MATN2: variants seen among roughly 807,000 people sequenced by gnomAD.
MATN2 encodes the protein matrilin-2.
A neutral mutation model predicts 103.2 loss-of-function variants in MATN2; 69 were observed. That is an observed-to-expected ratio of 0.67 (90% CI 0.55 to 0.82). The LOEUF is 0.82. MATN2 is among the 40% of genes least tolerant of loss of function. MATN2 has a pLI of 0.00. For synonymous variants in MATN2, 429 were observed against 450.2 expected (o/e 0.95, Z 0.60); for missense variants, 1,023 against 1,211.5 (o/e 0.84, Z 2.31).
intron 2 of MATN2, among the ~76,000 whole-genome samples, chr8:97,918,700 G>C (rs1809713916): frequency 1.3e-5 from 2 of 152,190 alleles, no homozygotes; most frequent in South Asian, 2.1e-4. Flanking sequence ...CACATTCCAG[G>C]CTCAGCTGCC....
intron 4 of MATN2, among the ~76,000 whole-genome samples, chr8:97,948,641 T>C (rs1448347885): frequency 6.6e-6 from 1 of 152,226 alleles, no homozygotes; most frequent in African/African-American, 2.4e-5. Context: ...TGAACTGCCA[T>C]GTGCAAAAAA....
intron 17 of MATN2, 35 bp from the exon 18 acceptor site, chr8:98,033,526 T>G (rs1248152157): frequency 4.3e-6 from 5 of 1,175,982 alleles, no homozygotes; most frequent in Non-Finnish European, 6.1e-6. Context: ...GTCTGGTGGA[T>G]TCTAGAGGTG....
At chr8:97,926,665 C>T (rs1171970475) in intron 2 of MATN2, among the ~76,000 whole-genome samples, 1 of 152,206 alleles carries the variant, frequency 6.6e-6, no homozygotes, top group Non-Finnish European at 1.5e-5. Context: ...ATGAGTCAAA[C>T]TTCAGAAGTG....
chr8:97,918,842 A>G (rs1412921312), intron 2 of MATN2, among the ~76,000 whole-genome samples: 1 of 152,014 alleles, frequency 6.6e-6, no homozygotes, highest in Non-Finnish European at 1.5e-5. Context: ...TTCTGCCACC[A>G]CTCATTAATC....
intron 2 of MATN2, among the ~76,000 whole-genome samples, chr8:97,892,730 C>T (rs1332021319): frequency 6.6e-6 from 1 of 152,076 alleles, no homozygotes; most frequent in Non-Finnish European, 1.5e-5. Flanking sequence ...TCTCTATATA[C>T]CCACAAGAGA....
chr8:98,030,821 CCCAGCTAATTTTTGT>C (rs1373365172), intron 15 of MATN2, among the ~76,000 whole-genome samples: 1 of 152,042 alleles, frequency 6.6e-6, no homozygotes, highest in Non-Finnish European at 1.5e-5. Context: ...CACCACCACA[CCCAGCTAATTTTTGT>C]ATTTTTAGTA....
intron 2 of MATN2, among the ~76,000 whole-genome samples, chr8:97,912,415 C>T (rs375856842): frequency 9.2e-5 from 14 of 152,122 alleles, no homozygotes; most frequent in African/African-American, 2.9e-4. Context: ...CAGCTGGAGC[C>T]GGGCATTGAA....
intron 6 of MATN2, among the ~76,000 whole-genome samples, chr8:97,979,799 C>T (rs991397335): frequency 6.6e-6 from 1 of 152,126 alleles, no homozygotes; most frequent in African/African-American, 2.4e-5. Flanking sequence ...CAGAGACATG[C>T]ATCAGTGAGA....
intron 10 of MATN2, among the ~76,000 whole-genome samples, chr8:98,011,043 A>G (rs765503205): frequency 2.0e-5 from 3 of 152,252 alleles, no homozygotes; most frequent in Non-Finnish European, 2.9e-5. Context: ...TCCAGGATCC[A>G]GGTGCTGGCA....
intron 5 of MATN2, among the ~76,000 whole-genome samples, chr8:97,976,668 A>G (rs1811846250): frequency 6.6e-6 from 1 of 151,634 alleles, no homozygotes; most frequent in Admixed American, 6.6e-5. Flanking sequence ...TTGAAAAGGG[A>G]CTGGTCTTAA....
chr8:97,950,659 T>G (rs1810917691), intron 4 of MATN2: 1 of 152,200 alleles, frequency 6.6e-6, no homozygotes, highest in South Asian at 2.1e-4. Flanking sequence ...CAATTCAGTG[T>G]ATGTTTCTTA....
intron 10 of MATN2, among the ~76,000 whole-genome samples, chr8:98,013,826 AG>A (rs1453626816): frequency 3.9e-5 from 6 of 152,198 alleles, no homozygotes; most frequent in Non-Finnish European, 8.8e-5. Flanking sequence ...TATCCATTGC[AG>A]ATAAGGTGTG....
chr8:97,891,484 C>G (rs1818625705), intron 2 of MATN2, among the ~76,000 whole-genome samples: 5 of 152,076 alleles, frequency 3.3e-5, no homozygotes. Flanking sequence ...ACTACAGGCA[C>G]ATGACACTAC....
chr8:97,952,720 A>G (rs1198847718), intron 4 of MATN2, among the ~76,000 whole-genome samples: 1 of 152,052 alleles, frequency 6.6e-6, no homozygotes, highest in Non-Finnish European at 1.5e-5. Context: ...AAGCGAGCAG[A>G]TTTTGCTGAC....
chr8:97,946,862 G>C (rs1424749628), intron 4 of MATN2, among the ~76,000 whole-genome samples: 1 of 152,086 alleles, frequency 6.6e-6, no homozygotes, highest in African/African-American at 2.4e-5. Flanking sequence ...ATAGATTTAT[G>C]TTAGAGTTTA....
chr8:97,962,631 G>T (rs931193430), intron 5 of MATN2, among the ~76,000 whole-genome samples: 2 of 152,186 alleles, frequency 1.3e-5, no homozygotes, highest in Non-Finnish European at 2.9e-5. Flanking sequence ...TAATCTGCTG[G>T]TGGTGGCCAT....
In MATN2 at chr8:98,003,750, T is replaced by C; in HGVS notation, c.1294T>C (p.Tyr432His). The C allele has an allele frequency of 6.2e-7, 1 of 1,613,872 alleles. No individual in the cohort carries two copies. Among genetic ancestry groups the C allele is most frequent in the Non-Finnish European group, 8.5e-7 (1 of 1,179,820 alleles). Residue 432 changes from tyrosine to histidine, a missense_variant, in exon 8 of 19, where the codon TAC (tyrosine) becomes CAC (histidine). Physicochemically the swap from Tyr to His is moderately conservative, Grantham distance 83 (BLOSUM62 2). Coordinates refer to ENST00000254898, the MANE Select transcript of MATN2 (RefSeq NM_002380.5). Reference sequence around the variant, plus strand: ...CTACTACTGCCGCTGCCACCGTGGCTACACTCTGGACCCCAATGGCAAAAC... The same window carrying C: ...CTACTACTGCCGCTGCCACCGTGGCCACACTCTGGACCCCAATGGCAAAAC... ...ESYYCRCHRG[Y>H]TLDPNGKTCS...
intron 2 of MATN2, among the ~76,000 whole-genome samples, chr8:97,921,173 C>A (rs1809794847): frequency 6.6e-6 from 1 of 152,178 alleles, no homozygotes; most frequent in Non-Finnish European, 1.5e-5. Flanking sequence ...CTCCCAGCAT[C>A]GTATGCAGTG....
rs745940315 is a variant in MATN2, at chr8:97,986,120, CT to C, written c.1081+7119del. ...GTGATAAACATTCTTATGCTTGAAT[CT>C]TTTTTTCTGATCATTTTCTTAGGAA... On this transcript the variant is annotated intron_variant, in intron 6 of 18. Coordinates refer to ENST00000254898, the MANE Select transcript of MATN2 (RefSeq NM_002380.5). Among the ~76,000 whole-genome samples the C allele has an allele frequency of 1.9e-3, 282 of 152,070 alleles. 1 individual carries two copies. Among genetic ancestry groups the C allele is most frequent in the Non-Finnish European group, 2.5e-3 (173 of 67,958 alleles).
Sources: gnomAD v4.1 joint callset for allele counts (sites outside exome capture counted in the v4.1 genomes callset) on GRCh38, gnomAD v4.1.1 for gene constraint, MANE v1.5 for transcripts, NCBI Gene and HGNC (gene_info 2026-07-23, HGNC 2026-07-21) for gene names.